The following GABRB1 variants were observed in gnomAD, a reference collection of about 807,000 sequenced individuals.
The protein encoded by GABRB1 is gamma-aminobutyric acid receptor subunit beta-1.
Under a neutral mutation model 51.6 loss-of-function variants are expected in GABRB1, and 17 were observed. The ratio of observed to expected loss-of-function variants is 0.33; its 90% CI spans 0.23 to 0.49. The LOEUF is 0.49. GABRB1 is among the 20% of genes least tolerant of loss of function. GABRB1 has a pLI of 0.99. For synonymous variants in GABRB1, 247 were observed against 218.9 expected (o/e 1.13, Z -1.14); for missense variants, 410 against 600.6 (o/e 0.68, Z 3.32).
chr4:47,208,011 A>C (rs932134314), intron 4 of GABRB1, among the ~76,000 whole-genome samples: 1 of 152,110 alleles, frequency 6.6e-6, no homozygotes, highest in Admixed American at 6.6e-5. Context: ...TGACAAAAAA[A>C]AATGATTTTT....
chr4:47,094,230 T>TC (rs1491469367), intron 3 of GABRB1, among the ~76,000 whole-genome samples: 3 of 12,798 alleles, frequency 2.3e-4, no homozygotes, highest in Middle Eastern at 0.083. Context: ...CTTTTTTCTC[T>TC]TTTTTTTTTT....
At chr4:47,048,268 T>A (rs1345636354) in intron 3 of GABRB1, among the ~76,000 whole-genome samples, 2 of 152,140 alleles carry the variant, frequency 1.3e-5, no homozygotes, top group Non-Finnish European at 2.9e-5. Context: ...ATGAATTAAG[T>A]CTCTCTTCTT....
chr4:47,385,725 A>C (rs914353457), intron 5 of GABRB1, among the ~76,000 whole-genome samples: 1 of 152,132 alleles, frequency 6.6e-6, no homozygotes, highest in African/African-American at 2.4e-5. Context: ...GTCCCAGAAG[A>C]CTGCATTCAC....
chr4:47,007,275 T>G (rs1233911550), intron 1 of GABRB1, among the ~76,000 whole-genome samples: 1 of 152,230 alleles, frequency 6.6e-6, no homozygotes, highest in Non-Finnish European at 1.5e-5. Context: ...AAATGTATTA[T>G]TAAAGAGAGA....
At chr4:47,143,107 A>C (rs1336564902) in intron 3 of GABRB1, among the ~76,000 whole-genome samples, 2 of 151,904 alleles carry the variant, frequency 1.3e-5, no homozygotes, top group Admixed American at 6.6e-5. Context: ...AGTTTGTACC[A>C]GTACTTTTAG....
chr4:47,180,322 A>T (rs1718891974), intron 4 of GABRB1, among the ~76,000 whole-genome samples: 1 of 152,068 alleles, frequency 6.6e-6, no homozygotes, highest in African/African-American at 2.4e-5. Context: ...TTATTCTTCA[A>T]TGTAATGAGT....
chr4:47,328,347 T>C (rs576178979), intron 5 of GABRB1, among the ~76,000 whole-genome samples: 48 of 152,322 alleles, frequency 3.2e-4, no homozygotes, highest in South Asian at 4.1e-4. Flanking sequence ...TTGTCTTTTG[T>C]TGCCATTGCT....
At chr4:47,372,757 T>C (rs1415431238) in intron 5 of GABRB1, among the ~76,000 whole-genome samples, 1 of 152,206 alleles carries the variant, frequency 6.6e-6, no homozygotes. Flanking sequence ...GCCAAAGATG[T>C]TCTCTGTATG....
chr4:47,114,771 T>G (rs920516977), intron 3 of GABRB1, among the ~76,000 whole-genome samples: 1 of 152,164 alleles, frequency 6.6e-6, no homozygotes, highest in Non-Finnish European at 1.5e-5. Flanking sequence ...CAGTGCAAAA[T>G]GAAAATGCAG....
At chr4:47,151,775 A>C (rs1010599579) in intron 3 of GABRB1, among the ~76,000 whole-genome samples, 1 of 152,050 alleles carries the variant, frequency 6.6e-6, no homozygotes, top group Non-Finnish European at 1.5e-5. Context: ...GAAGTTTATG[A>C]ATCATTATCT....
chr4:47,102,430 A>G (rs951620537), intron 3 of GABRB1, among the ~76,000 whole-genome samples: 1 of 152,020 alleles, frequency 6.6e-6, no homozygotes, highest in Non-Finnish European at 1.5e-5. Flanking sequence ...ACAAGTAAAT[A>G]GGCAAATAGA....
intron 4 of GABRB1, among the ~76,000 whole-genome samples, chr4:47,174,593 C>T (rs763355409): frequency 6.7e-6 from 1 of 148,412 alleles, no homozygotes; most frequent in African/African-American, 2.5e-5. Flanking sequence ...AAAGATGGTC[C>T]CCAACTTATA....
intron 3 of GABRB1, among the ~76,000 whole-genome samples, chr4:47,063,458 C>A (rs6856888): frequency 0.014 from 2,169 of 152,236 alleles, 42 homozygotes; most frequent in African/African-American, 0.05. Context: ...GATTCCTACA[C>A]TGGGAAGCCA....
chr4:47,401,369 A>G (rs1161123910), intron 5 of GABRB1, among the ~76,000 whole-genome samples: 1 of 152,178 alleles, frequency 6.6e-6, no homozygotes, highest in Non-Finnish European at 1.5e-5. Flanking sequence ...TAACTTTCCC[A>G]CATCCCCTTA....
intron 3 of GABRB1, among the ~76,000 whole-genome samples, chr4:47,112,703 C>A (rs1487282736): frequency 5.3e-5 from 8 of 151,980 alleles, no homozygotes. Context: ...TTCAATGAAT[C>A]TTTATTAAGT....
At chr4:47,175,219 T>G (rs960287907) in intron 4 of GABRB1, among the ~76,000 whole-genome samples, 1 of 151,590 alleles carries the variant, frequency 6.6e-6, no homozygotes, top group African/African-American at 2.4e-5. Flanking sequence ...TTTCTCTCTT[T>G]CTTCTCTTTC....
intron 3 of GABRB1, among the ~76,000 whole-genome samples, chr4:47,091,951 A>G (rs573347676): frequency 6.6e-6 from 1 of 152,064 alleles, no homozygotes; most frequent in East Asian, 1.9e-4. Flanking sequence ...ATCACACTCC[A>G]TCTATCTCTG....
chr4:47,049,955 G>A (rs1242979340), intron 3 of GABRB1, among the ~76,000 whole-genome samples: 1 of 152,136 alleles, frequency 6.6e-6, no homozygotes, highest in Non-Finnish European at 1.5e-5. Context: ...CATAAATAAG[G>A]CATGGTATTA....
At chr4:47,377,194 A>G (rs1727414893) in intron 5 of GABRB1, among the ~76,000 whole-genome samples, 1 of 152,120 alleles carries the variant, frequency 6.6e-6, no homozygotes, top group Non-Finnish European at 1.5e-5. Flanking sequence ...CCCAGGCTGG[A>G]GTGCAGTGGC....
Sources: allele counts gnomAD v4.1 joint callset (sites outside exome capture counted in the v4.1 genomes callset), GRCh38; gene constraint gnomAD v4.1.1; transcripts MANE v1.5; gene names NCBI Gene and HGNC (gene_info 2026-07-23, HGNC 2026-07-21).